IQSEC1: variants seen among roughly 807,000 people sequenced by gnomAD.
IQSEC1 encodes the protein IQ motif and Sec7 domain ArfGEF 1.
A neutral mutation model predicts 91.0 loss-of-function variants in IQSEC1; 31 were observed. The observed-to-expected ratio is 0.34, with a 90% confidence interval of 0.26 to 0.46. The LOEUF (loss-of-function observed/expected upper bound fraction) is 0.46. Among genes scored for constraint, IQSEC1 ranks in the 20% least tolerant of loss-of-function variants. The probability of loss-of-function intolerance (pLI) is 1.00; values close to 1 mark genes in which losing one functional copy is unlikely to be tolerated. For synonymous variants in IQSEC1, 699 were observed against 662.6 expected, an observed-to-expected ratio of 1.05 and a Z score of -0.84; for missense variants, 1,388 against 1,575.6, an observed-to-expected ratio of 0.88 and a Z score of 2.02.
chr3:13,088,783 C>A (rs1705785820), intron 2 of IQSEC1, among the ~76,000 whole-genome samples: 1 of 152,238 alleles, frequency 6.6e-6, no homozygotes. Context: ...CAGCTCCAGG[C>A]TCTCCTGCCC....
intron 1 of IQSEC1, among the ~76,000 whole-genome samples, chr3:13,070,108 G>A (rs948094761): frequency 3.9e-5 from 6 of 152,040 alleles, no homozygotes; most frequent in African/African-American, 1.4e-4. Flanking sequence ...TGGGGGTGGG[G>A]GCCCGCCGGC....
At position 13,207,517 on chromosome 3, in the gene IQSEC1, C is replaced by T. The variant is rs144897512; in HGVS notation, c.273-43384G>A. 1.3e-4 allele frequency among the ~76,000 whole-genome samples: 20 copies of T among 152,312 alleles called. No homozygotes were observed. The East Asian group carries it at 2.3e-3, about 18-fold the overall frequency. ...TGGCAATGTCACCACCCACTGCCAA[C>T]GTGCCAGTGGGTTCCCTTCGTACTC... is the stretch of plus-strand genomic sequence containing the variant. On this transcript the variant is annotated intron_variant, in intron 1 of 15. Transcript: ENST00000648114. This position sits in a 1 kb window ranked among gnomAD's most constrained non-coding sequence, Gnocchi z 4.8.
At chr3:13,014,618 G>T (rs1430168954) in intron 1 of IQSEC1, among the ~76,000 whole-genome samples, 10 of 152,190 alleles carry the variant, frequency 6.6e-5, no homozygotes, top group Non-Finnish European at 1.3e-4. Flanking sequence ...TGGGGTGGGG[G>T]AGGCTTGGCT....
intron 1 of IQSEC1, among the ~76,000 whole-genome samples, chr3:13,273,991 C>T (rs1695632791): frequency 6.6e-6 from 1 of 152,216 alleles, no homozygotes; most frequent in Non-Finnish European, 1.5e-5. Context: ...TGTCACTGTC[C>T]CCATAGCAGA....
At chr3:13,263,988 CA>C (rs1695440444) in intron 1 of IQSEC1, among the ~76,000 whole-genome samples, 4 of 152,212 alleles carry the variant, frequency 2.6e-5, no homozygotes, top group Admixed American at 2.6e-4. Flanking sequence ...CCTGGGCTTC[CA>C]ACGTGCACAA....
chr3:12,917,798 A>G (rs1285221176), intron 6 of IQSEC1, among the ~76,000 whole-genome samples: 9 of 152,236 alleles, frequency 5.9e-5, no homozygotes, highest in Non-Finnish European at 1.3e-4. Flanking sequence ...TCTGGCTTTC[A>G]AACTATGTGA....
At chr3:13,038,189 T>C (rs1169206520) in intron 1 of IQSEC1, among the ~76,000 whole-genome samples, 1 of 146,454 alleles carries the variant, frequency 6.8e-6, no homozygotes, top group African/African-American at 2.5e-5. Flanking sequence ...TAAGTATATA[T>C]AAGTATGTAT....
chr3:12,906,329 G>A (rs1694979656), intron 12 of IQSEC1, among the ~76,000 whole-genome samples: 1 of 152,288 alleles, frequency 6.6e-6, no homozygotes. Flanking sequence ...CTGCCGCTGG[G>A]GAGCTTGCAG....
chr3:12,906,963 G>A (rs1440627861), intron 12 of IQSEC1, among the ~76,000 whole-genome samples: 1 of 152,204 alleles, frequency 6.6e-6, no homozygotes, highest in East Asian at 1.9e-4. Flanking sequence ...TCTCAACCAG[G>A]GATGATTCTG....
At chr3:13,165,868 G>C (rs1181107110) in intron 1 of IQSEC1, among the ~76,000 whole-genome samples, 1 of 152,170 alleles carries the variant, frequency 6.6e-6, no homozygotes, top group South Asian at 2.1e-4. Flanking sequence ...CTGGTCCACT[G>C]TGCGCTGACC....
rs547889895 is a variant in IQSEC1, at chr3:12,916,265, G to T, written c.2021-532C>A. ...CAGCACAGGCTTGTTGTGAGGAAAC[G>T]AGGGGCGCCTGGGGCGTGCCCAGCT... On this transcript the variant is annotated intron_variant, in intron 6 of 13. Transcript: ENST00000613206. Among the ~76,000 whole-genome samples the T allele has an allele frequency of 7.2e-5, 11 of 152,332 alleles. No homozygotes were observed. The South Asian group carries it at 2.3e-3, about 32-fold the overall frequency.
intron 1 of IQSEC1, among the ~76,000 whole-genome samples, chr3:12,993,999 C>A (rs1188685797): frequency 6.6e-6 from 1 of 150,728 alleles, no homozygotes; most frequent in East Asian, 2.0e-4. Flanking sequence ...AGGGCATTCC[C>A]GGCTGCAGCC....
Position 13,126,874 on chromosome 3 carries a change from T to A in IQSEC1, c.302+37230A>T, listed in dbSNP as rs375235443. On this transcript the variant is annotated intron_variant, in intron 2 of 15. Transcript: ENST00000648114. ...CTTTTATAGATCATGCTCTTGGTAT[T>A]AAGTTTAAGACCTTTTTGCCTAGCC... Among the ~76,000 whole-genome samples, 22 of 152,330 alleles carry A rather than the reference T, an allele frequency of 1.4e-4. 1 individual carries two copies. In the East Asian group the frequency reaches 1.5e-3, roughly 11 times the overall value.
At chr3:13,217,114 A>G (rs79400773) in intron 1 of IQSEC1, among the ~76,000 whole-genome samples, 1,666 of 152,298 alleles carry the variant, frequency 0.011, 32 homozygotes, top group African/African-American at 0.038. Flanking sequence ...ATCCAACTGA[A>G]CAGAGTGAAC....
At chr3:13,266,878 G>A (rs945395644) in intron 1 of IQSEC1, among the ~76,000 whole-genome samples, 1 of 152,168 alleles carries the variant, frequency 6.6e-6, no homozygotes, top group Non-Finnish European at 1.5e-5. Flanking sequence ...GGGCACATCT[G>A]CTCCCCCACC....
Position 13,101,085 on chromosome 3 carries a change from A to C in IQSEC1, c.303-53563T>G, listed in dbSNP as rs112979513. Among the ~76,000 whole-genome samples the C allele has an allele frequency of 5.4e-3, 815 of 152,132 alleles. 90 individuals carry two copies. Among genetic ancestry groups the C allele is most frequent in the African/African-American group, 0.019 (776 of 41,462 alleles). On this transcript the variant is annotated intron_variant, in intron 2 of 15. Coordinates refer to the IQSEC1 transcript ENST00000648114. ...CTGAGCTGGGAAGAGGAGGTGGAAG[A>C]GGGAGGCTGCTGAGGGGAGTGTGGA...
At chr3:13,110,267 T>C (rs947276162) in intron 2 of IQSEC1, among the ~76,000 whole-genome samples, 1 of 152,122 alleles carries the variant, frequency 6.6e-6, no homozygotes, top group African/African-American at 2.4e-5. Flanking sequence ...CTATCATTTT[T>C]ATTTTCCGTA....
At chr3:13,076,479 A>G (rs776447736), upstream of IQSEC1, among the ~76,000 whole-genome samples, 1 of 152,196 alleles carries the variant, frequency 6.6e-6, no homozygotes, top group Admixed American at 6.5e-5. Context: ...ACCTGCGGCC[A>G]TCTGTCCCCA....
intron 12 of IQSEC1, among the ~76,000 whole-genome samples, chr3:12,905,810 C>T (rs1694911770): frequency 6.6e-6 from 1 of 152,228 alleles, no homozygotes; most frequent in African/African-American, 2.4e-5. Flanking sequence ...GGCAGCTTGG[C>T]CAGGGAGGGG....
Sources: allele counts gnomAD v4.1 joint callset (sites outside exome capture counted in the v4.1 genomes callset), GRCh38; gene constraint gnomAD v4.1.1; non-coding constraint Gnocchi (gnomAD v3.1); transcripts MANE v1.5; gene names NCBI Gene and HGNC (gene_info 2026-07-23, HGNC 2026-07-21).